The following PPP1R9A variants were observed in gnomAD, a reference collection of about 807,000 sequenced individuals.
The protein encoded by PPP1R9A is neurabin-1.
Under a neutral mutation model 141.9 loss-of-function variants are expected in PPP1R9A, and 59 were observed. The observed-to-expected ratio is 0.42, with a 90% CI of 0.34 to 0.52. The LOEUF (loss-of-function observed/expected upper bound fraction) is 0.52, where lower values mean the gene tolerates loss of function less well. Among genes scored for constraint, PPP1R9A ranks in the 20% least tolerant of loss-of-function variants. The probability of loss-of-function intolerance (pLI) is 0.10; values close to 1 mark genes in which losing one functional copy is unlikely to be tolerated. For missense variants in PPP1R9A, 1,444 were observed against 1,611.9 expected, an observed-to-expected ratio of 0.90 and a Z score of 1.78; for synonymous variants, 500 against 569.7, an observed-to-expected ratio of 0.88 and a Z score of 1.74.
chr7:95,079,352 G>T (rs1306551602), intron 2 of PPP1R9A, among the ~76,000 whole-genome samples: 1 of 151,936 alleles, frequency 6.6e-6, no homozygotes, highest in South Asian at 2.1e-4. Flanking sequence ...TCTCTGTTTT[G>T]GTACCAGTAC....
At chr7:95,120,945 G>A (rs896518945) in intron 4 of PPP1R9A, 113 bp downstream of exon 4, 2 of 1,359,080 alleles carry the variant, frequency 1.5e-6, no homozygotes, top group Admixed American at 2.3e-5. Flanking sequence ...TAGAATTTCA[G>A]GTTTCTCAGA....
chr7:95,240,076 T>C (rs1797236981), intron 8 of PPP1R9A, among the ~76,000 whole-genome samples: 1 of 152,078 alleles, frequency 6.6e-6, no homozygotes, highest in South Asian at 2.1e-4. Flanking sequence ...TCTCAGAGTA[T>C]ATCTTTAAGT....
chr7:94,921,603 T>C (rs947980904), intron 2 of PPP1R9A, among the ~76,000 whole-genome samples: 3 of 152,170 alleles, frequency 2.0e-5, no homozygotes, highest in Non-Finnish European at 2.9e-5. Flanking sequence ...ATTATATATG[T>C]ATAAAATTAT....
chr7:95,113,252 A>C (rs1352865158), intron 3 of PPP1R9A, among the ~76,000 whole-genome samples: 1 of 152,214 alleles, frequency 6.6e-6, no homozygotes, highest in Non-Finnish European at 1.5e-5. Context: ...ATGACAGAGC[A>C]AAAATCCAAG....
intron 5 of PPP1R9A, among the ~76,000 whole-genome samples, chr7:95,190,570 A>G (rs1295057361): frequency 6.6e-6 from 1 of 152,218 alleles, no homozygotes; most frequent in East Asian, 1.9e-4. Context: ...TTTTGCAGGC[A>G]GTGAAATTAG....
chr7:95,183,748 A>G (rs1003502126), intron 5 of PPP1R9A, among the ~76,000 whole-genome samples: 4 of 152,020 alleles, frequency 2.6e-5, no homozygotes, highest in African/African-American at 9.7e-5. Flanking sequence ...CGCCCAGCCA[A>G]AAATATTCTT....
At chr7:95,059,659 G>C (rs1227130805) in intron 2 of PPP1R9A, among the ~76,000 whole-genome samples, 1 of 152,142 alleles carries the variant, frequency 6.6e-6, no homozygotes, top group Non-Finnish European at 1.5e-5. Context: ...GTTTGTATGA[G>C]GTTGAGCATA....
chr7:95,236,480 A>G (rs1004367006), intron 8 of PPP1R9A, among the ~76,000 whole-genome samples: 14 of 151,962 alleles, frequency 9.2e-5, no homozygotes, highest in African/African-American at 2.9e-4. Context: ...ATTTTTCAAG[A>G]AATGTAGATA....
chr7:94,944,991 CA>C (rs1181126982), intron 2 of PPP1R9A, among the ~76,000 whole-genome samples: 6 of 151,930 alleles, frequency 3.9e-5, no homozygotes, highest in Non-Finnish European at 7.4e-5. Context: ...GTGTGATAGC[CA>C]AGAGGTAAAC....
At chr7:95,055,216 G>A (rs1811350771) in intron 2 of PPP1R9A, among the ~76,000 whole-genome samples, 1 of 152,014 alleles carries the variant, frequency 6.6e-6, no homozygotes, top group Non-Finnish European at 1.5e-5. Flanking sequence ...TTTATGACTA[G>A]AAGTATTATT....
chr7:94,986,227 T>C (rs1409295279), intron 2 of PPP1R9A, among the ~76,000 whole-genome samples: 1 of 152,192 alleles, frequency 6.6e-6, no homozygotes, highest in East Asian at 1.9e-4. Context: ...CTGTTGTCTC[T>C]TCCTTTTCCA....
chr7:95,204,596 A>ACACACACACAC (rs945052476), intron 7 of PPP1R9A, among the ~76,000 whole-genome samples: 2 of 151,428 alleles, frequency 1.3e-5, no homozygotes, highest in African/African-American at 4.9e-5. Context: ...CATGCTTAAC[A>ACACACACACAC]CACACACACA....
intron 2 of PPP1R9A, among the ~76,000 whole-genome samples, chr7:95,041,632 C>T (rs1809258100): frequency 6.6e-6 from 1 of 151,934 alleles, no homozygotes; most frequent in Admixed American, 6.6e-5. Flanking sequence ...GTGCTTCGTT[C>T]AGTTTTCTTT....
intron 2 of PPP1R9A, among the ~76,000 whole-genome samples, chr7:94,977,699 G>C (rs1294839446): frequency 6.6e-6 from 1 of 151,726 alleles, no homozygotes; most frequent in East Asian, 1.9e-4. Flanking sequence ...TATAGAGAAT[G>C]TTATGGTGAT....
At chr7:95,213,417 T>C (rs765232084) in intron 7 of PPP1R9A, among the ~76,000 whole-genome samples, 13 of 144,054 alleles carry the variant, frequency 9.0e-5, no homozygotes, top group Admixed American at 5.7e-4. Flanking sequence ...GCCTTACGGG[T>C]TCAAGCGTTT....
intron 8 of PPP1R9A, among the ~76,000 whole-genome samples, chr7:95,230,725 G>A (rs1585365702): frequency 6.6e-6 from 1 of 152,232 alleles, no homozygotes; most frequent in East Asian, 1.9e-4. Context: ...TTGGAAAACG[G>A]ATATTTGAGG....
chr7:94,994,438 G>A (rs922384290), intron 2 of PPP1R9A, among the ~76,000 whole-genome samples: 1 of 152,078 alleles, frequency 6.6e-6, no homozygotes, highest in Non-Finnish European at 1.5e-5. Flanking sequence ...GGAAAACACT[G>A]AGTCTTTCAC....
intron 2 of PPP1R9A, among the ~76,000 whole-genome samples, chr7:95,088,353 A>G (rs1816905655): frequency 1.3e-5 from 2 of 151,986 alleles, no homozygotes; most frequent in Non-Finnish European, 1.5e-5. Context: ...GTACCCTTAT[A>G]GGAGACTCCA....
At chr7:95,079,843 T>G (rs1584579769) in intron 2 of PPP1R9A, among the ~76,000 whole-genome samples, 1 of 152,280 alleles carries the variant, frequency 6.6e-6, no homozygotes, top group East Asian at 1.9e-4. Flanking sequence ...AAAAACCGCA[T>G]GATTATCTCA....
Sources: gnomAD v4.1 joint callset for allele counts (sites outside exome capture counted in the v4.1 genomes callset) on GRCh38, gnomAD v4.1.1 for gene constraint, MANE v1.5 for transcripts, NCBI Gene and HGNC (gene_info 2026-07-23, HGNC 2026-07-21) for gene names.